The following DRC1 variants were observed in gnomAD, a reference collection of about 807,000 sequenced individuals.
The protein encoded by DRC1 is dynein regulatory complex subunit 1, also known as dynein regulatory complex protein 1.
DRC1 carries 74 observed loss-of-function variants against 98.7 expected under a neutral mutation model. The ratio of observed to expected loss-of-function variants is 0.75; its 90% CI spans 0.62 to 0.91. DRC1 has a LOEUF of 0.91. Among genes scored for constraint, DRC1 ranks in the 40% least tolerant of loss-of-function variants. The pLI is 0.00. For missense variants in DRC1, 875 were observed against 886.0 expected, an observed-to-expected ratio of 0.99 and a Z score of 0.16; for synonymous variants, 336 against 334.1, an observed-to-expected ratio of 1.01 and a Z score of -0.06.
intron 1 of DRC1, 53 bp from the exon 2 acceptor site, chr2:26,414,291 T>C (rs1346334340): frequency 1.9e-6 from 3 of 1,593,150 alleles, no homozygotes; most frequent in Non-Finnish European, 2.6e-6. Flanking sequence ...CCTTTAAATA[T>C]AGAATTTACG....
intron 2 of DRC1, among the ~76,000 whole-genome samples, chr2:26,420,857 A>G (rs1289971458): frequency 6.7e-6 from 1 of 149,196 alleles, no homozygotes; most frequent in Non-Finnish European, 1.5e-5. Flanking sequence ...TCTGCCTCCC[A>G]GGTTCAAATG....
intron 7 of DRC1, among the ~76,000 whole-genome samples, chr2:26,435,189 A>ATTC (rs1161949161): frequency 6.6e-6 from 1 of 152,164 alleles, no homozygotes; most frequent in Non-Finnish European, 1.5e-5. Flanking sequence ...GCAGCTGTGG[A>ATTC]GAAGCTTGTG....
intron 13 of DRC1, among the ~76,000 whole-genome samples, chr2:26,453,057 CT>C (rs2148006619): frequency 6.6e-6 from 1 of 152,266 alleles, no homozygotes; most frequent in African/African-American, 2.4e-5. Flanking sequence ...AACATGTAAG[CT>C]TTATGAATGT....
chr2:26,414,332 T>C lies in DRC1; in HGVS notation c.156-12T>C. On this transcript the variant is annotated splice_polypyrimidine_tract_variant and intron_variant, in intron 1 of 16. Transcript: ENST00000288710. ...GAAATAACTTCATTTTCTCTGCTTT[T>C]TTCCATCACAGGGAAGCACTTGGAG... The C allele has an allele frequency of 1.2e-6, 2 of 1,613,120 alleles. No homozygotes were observed. Among genetic ancestry groups the C allele is most frequent in the Non-Finnish European group, 1.7e-6 (2 of 1,179,686 alleles).
At chr2:26,450,232 C>G (rs1663967571) in intron 12 of DRC1, 147 bp downstream of exon 12, 1 of 716,262 alleles carries the variant, frequency 1.4e-6, no homozygotes, top group Non-Finnish European at 2.4e-6. Context: ...TTAACCTACT[C>G]TCCACACAAC....
intron 7 of DRC1, among the ~76,000 whole-genome samples, chr2:26,435,590 G>A (rs1663548358): frequency 6.6e-6 from 1 of 152,030 alleles, no homozygotes; most frequent in African/African-American, 2.4e-5. Context: ...ACCCTCAAGT[G>A]GGCCCCAGTG....
In DRC1 at chr2:26,455,202, A is replaced by G. The variant is rs753686598; in HGVS notation, c.2135A>G (p.Gln712Arg). The G allele has an allele frequency of 6.2e-7, 1 of 1,613,928 alleles. No homozygotes were observed. The highest frequency in any genetic ancestry group is 8.5e-7 in the Non-Finnish European group (1 of 1,179,996). ...CTGGAGCAGCAGAACACAGAGCTGC[A>G]GGCGCTACTGCAGCAGTATCTGAAC... ...SSLEQQNTELQALLQQYLNSK... is the reference protein window; with the variant it reads ...SSLEQQNTELRALLQQYLNSK... The change falls in exon 16 of 17, where the codon CAG becomes CGG. Residue 712 changes from glutamine (Q) to arginine (R), a missense_variant. Coordinates refer to ENST00000288710, the MANE Select transcript of DRC1 (RefSeq NM_145038.5).
At chr2:26,424,244 G>C in intron 3 of DRC1, 27 bp from the exon 4 acceptor site, 1 of 1,612,688 alleles carries the variant, frequency 6.2e-7, no homozygotes, top group African/African-American at 1.3e-5. Context: ...AGCTGGGTTG[G>C]CATGGCTGGC....
At chr2:26,418,604 TATATAAATTATATATA>T (rs1257460059) in intron 2 of DRC1, among the ~76,000 whole-genome samples, 2 of 92,730 alleles carry the variant, frequency 2.2e-5, no homozygotes, top group East Asian at 5.0e-4. Flanking sequence ...ATTTATATAA[TATATAAATTATATATA>T]ATATAAATTA....
At chr2:26,414,535 T>C in intron 2 of DRC1, 104 bp downstream of exon 2, 1 of 1,047,498 alleles carries the variant, frequency 9.5e-7, no homozygotes, top group Non-Finnish European at 1.4e-6. Context: ...CATGTTGCTG[T>C]CTCTAGGCAG....
At chr2:26,417,644 T>C (rs1348202536) in intron 2 of DRC1, among the ~76,000 whole-genome samples, 1 of 152,216 alleles carries the variant, frequency 6.6e-6, no homozygotes, top group Non-Finnish European at 1.5e-5. Context: ...TTGGCTATTC[T>C]TGACATATAC....
intron 1 of DRC1, among the ~76,000 whole-genome samples, chr2:26,407,147 C>T (rs1459655125): frequency 6.6e-6 from 1 of 151,884 alleles, no homozygotes; most frequent in African/African-American, 2.4e-5. Context: ...GGTAAAGATG[C>T]GAGATGGAAC....
chr2:26,429,366 C>G (rs991500167), intron 4 of DRC1, among the ~76,000 whole-genome samples: 4 of 151,968 alleles, frequency 2.6e-5, no homozygotes, highest in Non-Finnish European at 5.9e-5. Flanking sequence ...CAGGCGTGCA[C>G]CACCACATCT....
intron 7 of DRC1, among the ~76,000 whole-genome samples, chr2:26,435,334 C>T (rs952497831): frequency 2.0e-5 from 3 of 152,138 alleles, no homozygotes; most frequent in Non-Finnish European, 4.4e-5. Context: ...TGCCATTAGT[C>T]TTGGGAACAT....
intron 1 of DRC1, among the ~76,000 whole-genome samples, chr2:26,410,635 G>A (rs11691051): frequency 0.82 from 124,618 of 152,082 alleles, 54,395 homozygotes; most frequent in Non-Finnish European, 0.96. Flanking sequence ...AAAGAATGGA[G>A]CAGGGAGCAT....
chr2:26,415,226 T>G (rs1180519177), intron 2 of DRC1, among the ~76,000 whole-genome samples: 2 of 152,108 alleles, frequency 1.3e-5, no homozygotes, highest in African/African-American at 2.4e-5. Context: ...AAACAGCAGC[T>G]CAAAACAGCA....
chr2:26,402,082 C>T lies in DRC1; in HGVS notation c.93C>T (p.Asn31=), dbSNP rs765143119. ...QILAPSVHSD[N]SQERIQARRL... is the part of the protein sequence containing the mutation. ...TCGCGCCCTCGGTCCACTCCGACAACTCTCAGGAGCGCATCCAGGCCCGGC... is the reference window on the plus strand; with the variant it reads ...TCGCGCCCTCGGTCCACTCCGACAATTCTCAGGAGCGCATCCAGGCCCGGC... The change falls in exon 1 of 17, where the codon AAC becomes AAT. Residue 31 remains asparagine, a synonymous_variant. Transcript: ENST00000288710. 42 of 1,613,028 alleles carry T rather than the reference C, an allele frequency of 2.6e-5. No individual in the cohort carries two copies. The highest frequency in any genetic ancestry group is 2.5e-5 in the Non-Finnish European group (29 of 1,179,712).
intron 7 of DRC1, among the ~76,000 whole-genome samples, chr2:26,433,468 C>T (rs1021016739): frequency 6.6e-6 from 1 of 152,146 alleles, no homozygotes. Flanking sequence ...ACTGACAGAA[C>T]ACTACAAATC....
chr2:26,422,388 G>A (rs1663169941), intron 3 of DRC1, among the ~76,000 whole-genome samples: 1 of 152,184 alleles, frequency 6.6e-6, no homozygotes, highest in African/African-American at 2.4e-5. Flanking sequence ...TCCATGCATA[G>A]AAGGATGGAG....
Sources: allele counts gnomAD v4.1 joint callset (sites outside exome capture counted in the v4.1 genomes callset), GRCh38; gene constraint gnomAD v4.1.1; transcripts MANE v1.5; gene names NCBI Gene and HGNC (gene_info 2026-07-23, HGNC 2026-07-21).